WDFY3: variants seen among roughly 807,000 people sequenced by gnomAD.
WDFY3 encodes the protein WD repeat and FYVE domain-containing protein 3.
Under a neutral mutation model 409.6 loss-of-function variants are expected in WDFY3, and 66 were observed. The observed-to-expected ratio is 0.16, with a 90% CI of 0.13 to 0.20. WDFY3 has a LOEUF of 0.20. WDFY3 is among the 10% of genes least tolerant of loss of function. The pLI, the probability that WDFY3 is intolerant of heterozygous loss-of-function variation, is 1.00. For missense variants in WDFY3, 3,031 were observed against 4,298.1 expected, an observed-to-expected ratio of 0.71 and a Z score of 8.24; for synonymous variants, 1,521 against 1,537.1, an observed-to-expected ratio of 0.99 and a Z score of 0.25.
At chr4:84,697,274 T>G (rs990712370) in intron 56 of WDFY3, among the ~76,000 whole-genome samples, 8 of 152,236 alleles carry the variant, frequency 5.3e-5, no homozygotes, top group African/African-American at 1.9e-4. Context: ...CAGTCTACTG[T>G]AGATATCTGT....
At chr4:84,683,157 A>G (rs1445261625) in intron 63 of WDFY3, among the ~76,000 whole-genome samples, 1 of 152,190 alleles carries the variant, frequency 6.6e-6, no homozygotes, top group Non-Finnish European at 1.5e-5. Flanking sequence ...CAGATTGAGC[A>G]GTGTGAAATA....
At chr4:84,962,747 C>T (rs1463982532) in intron 1 of WDFY3, among the ~76,000 whole-genome samples, 15 of 149,926 alleles carry the variant, frequency 1.0e-4, no homozygotes, top group African/African-American at 3.4e-4. Context: ...CATCTCAGCT[C>T]ACTGCAACCT....
In WDFY3 at chr4:84,827,874, T is replaced by C. The variant is rs140555297; in HGVS notation, c.957-893A>G. Among the ~76,000 whole-genome samples, 11 of 152,214 alleles carry C rather than the reference T, an allele frequency of 7.2e-5. No individual in the cohort carries two copies. In the East Asian group the frequency reaches 1.7e-3, roughly 24 times the overall value. ...GCTCACACCTAAAATCCTGGTGCTTTGGGAGGCTAAGGCAGGAGGACTGCT... is the reference window on the plus strand; with the variant it reads ...GCTCACACCTAAAATCCTGGTGCTTCGGGAGGCTAAGGCAGGAGGACTGCT... On this transcript the variant is annotated intron_variant, in intron 9 of 67. Transcript: ENST00000295888.
At chr4:84,856,487 G>C (rs760066300) in intron 4 of WDFY3, among the ~76,000 whole-genome samples, 2 of 152,062 alleles carry the variant, frequency 1.3e-5, no homozygotes, top group Non-Finnish European at 2.9e-5. Flanking sequence ...TAAGAATGCT[G>C]AATAAATATT....
At chr4:84,892,912 ACAG>A (rs1765138312) in intron 3 of WDFY3, among the ~76,000 whole-genome samples, 1 of 152,248 alleles carries the variant, frequency 6.6e-6, no homozygotes, top group South Asian at 2.1e-4. Flanking sequence ...TGAGAAGTTC[ACAG>A]CAGAACAGAA....
At chr4:84,874,028 G>T (rs1286432357) in intron 3 of WDFY3, among the ~76,000 whole-genome samples, 2 of 151,416 alleles carry the variant, frequency 1.3e-5, no homozygotes, top group African/African-American at 2.4e-5. Flanking sequence ...CAATTCACCC[G>T]CCTCGGACTC....
intron 2 of WDFY3, among the ~76,000 whole-genome samples, chr4:84,921,934 C>T (rs770024657): frequency 1.6e-4 from 25 of 152,004 alleles, no homozygotes; most frequent in Admixed American, 4.6e-4. Flanking sequence ...GGATCACAGA[C>T]ATGAGCCACC....
In WDFY3 at chr4:84,684,015, G is replaced by A. The variant is rs1259842088; in HGVS notation, c.9654C>T (p.Cys3218=). 1.2e-6 allele frequency: 2 copies of A among 1,613,620 alleles called. No homozygotes were observed. Among genetic ancestry groups the A allele is most frequent in the Non-Finnish European group, 1.7e-6 (2 of 1,179,630 alleles). The change falls in exon 63 of 68, where the codon TGC becomes TGT. Residue 3218 remains cysteine, a synonymous_variant. Transcript: ENST00000295888. ...FTGRSQQIIC[C]CMSEMNEWDT... is the part of the protein sequence containing the mutation. Reference sequence around the variant, plus strand: ...CCCATTCGTTCATCTCCGACATGCAGCAGCAGATGATCTGCTGGCTCCTAC... The same window carrying A: ...CCCATTCGTTCATCTCCGACATGCAACAGCAGATGATCTGCTGGCTCCTAC...
intron 3 of WDFY3, among the ~76,000 whole-genome samples, chr4:84,862,695 T>A (rs550391183): frequency 1.1e-4 from 16 of 149,086 alleles, no homozygotes; most frequent in South Asian, 1.0e-3. Flanking sequence ...TCAAAAAAAA[T>A]TTTTTTTTTC....
chr4:84,755,183 T>C, intron 34 of WDFY3, 83 bp downstream of exon 34: 1 of 1,565,860 alleles, frequency 6.4e-7, no homozygotes, highest in Non-Finnish European at 8.6e-7. Flanking sequence ...AGTAGTTATG[T>C]TACCAAAAAA....
At chr4:84,927,409 T>C (rs1770142952) in intron 2 of WDFY3, among the ~76,000 whole-genome samples, 1 of 152,090 alleles carries the variant, frequency 6.6e-6, no homozygotes, top group Non-Finnish European at 1.5e-5. Context: ...AACACAACTA[T>C]ACAGCCTTCC....
intron 1 of WDFY3, among the ~76,000 whole-genome samples, chr4:84,959,919 G>A (rs1299408468): frequency 2.6e-5 from 4 of 152,106 alleles, no homozygotes; most frequent in African/African-American, 7.2e-5. Flanking sequence ...AAAAAGGAAG[G>A]CTATAATCTT....
intron 2 of WDFY3, among the ~76,000 whole-genome samples, chr4:84,910,769 G>C (rs945614644): frequency 1.5e-4 from 23 of 152,086 alleles, no homozygotes; most frequent in Non-Finnish European, 2.5e-4. Flanking sequence ...GCAGTGGTGC[G>C]ATCTTGGCTC....
intron 11 of WDFY3, 88 bp downstream of exon 11, chr4:84,820,996 C>G: frequency 7.9e-7 from 1 of 1,273,238 alleles, no homozygotes; most frequent in African/African-American, 1.5e-5. Flanking sequence ...TCATTGAAAT[C>G]AATAACCAAA....
chr4:84,951,792 T>C (rs1219824632), intron 1 of WDFY3, among the ~76,000 whole-genome samples: 1 of 152,228 alleles, frequency 6.6e-6, no homozygotes, highest in Non-Finnish European at 1.5e-5. Context: ...GACATCAGGA[T>C]AGGCAAAGCC....
chr4:84,799,133 T>C (rs980314501), intron 17 of WDFY3, among the ~76,000 whole-genome samples: 3 of 152,102 alleles, frequency 2.0e-5, no homozygotes, highest in Non-Finnish European at 4.4e-5. Flanking sequence ...CTCTCTTCCA[T>C]ACTTTAGAGT....
chr4:84,907,544 T>C (rs905600707), intron 2 of WDFY3, among the ~76,000 whole-genome samples: 2 of 152,160 alleles, frequency 1.3e-5, no homozygotes, highest in African/African-American at 2.4e-5. Context: ...AGCCTTTAGA[T>C]AGCTACTGCC....
chr4:84,817,633 T>C (rs374301563), intron 12 of WDFY3, 48 bp from the exon 13 acceptor site: 2 of 1,496,528 alleles, frequency 1.3e-6, no homozygotes, highest in African/African-American at 1.4e-5. Flanking sequence ...TAAAATATTC[T>C]GAGACAAGTC....
At chr4:84,729,524 G>T (rs1486054528) in intron 44 of WDFY3, among the ~76,000 whole-genome samples, 3 of 151,624 alleles carry the variant, frequency 2.0e-5, no homozygotes, top group African/African-American at 7.3e-5. Flanking sequence ...AATAATTATA[G>T]TTGATAAACT....
Sources: allele counts gnomAD v4.1 joint callset (sites outside exome capture counted in the v4.1 genomes callset), GRCh38; gene constraint gnomAD v4.1.1; transcripts MANE v1.5; gene names NCBI Gene and HGNC (gene_info 2026-07-23, HGNC 2026-07-21).